Variants in PRR12 observed in about 807,000 individuals in gnomAD.
PRR12 encodes proline rich 12.
In PRR12, 12 loss-of-function variants were observed where a neutral mutation model predicts 138.0. The ratio of observed to expected loss-of-function variants is 0.09; its 90% CI spans 0.06 to 0.14. The LOEUF (loss-of-function observed/expected upper bound fraction) is 0.14, where lower values mean the gene tolerates loss of function less well. Among genes scored for constraint, PRR12 ranks in the 10% least tolerant of loss-of-function variants. The probability of loss-of-function intolerance (pLI) is 1.00; values close to 1 mark genes in which losing one functional copy is unlikely to be tolerated. For synonymous variants in PRR12, 1,567 were observed against 1,291.7 expected, an observed-to-expected ratio of 1.21 and a Z score of -4.57; for missense variants, 2,692 against 2,861.3, an observed-to-expected ratio of 0.94 and a Z score of 1.35.
rs778715981 is a variant in PRR12, at chr19:49,599,229, C to T, written c.3679-43C>T. On this transcript the variant is annotated intron_variant, in intron 4 of 13. Coordinates refer to ENST00000418929, the MANE Select transcript of PRR12 (RefSeq NM_020719.3). The surrounding 1 kb of genome is among the most constrained non-coding windows in gnomAD (Gnocchi z 5.0). Reference sequence around the variant, plus strand: ...GGCTGAGGGAGGATGGGACTGGGGGCCCAGGCTACTGGGCCCTCACGGCCC... The same window carrying T: ...GGCTGAGGGAGGATGGGACTGGGGGTCCAGGCTACTGGGCCCTCACGGCCC... 6.7e-7 allele frequency: 1 copy of T among 1,501,326 alleles called. No homozygotes were observed. The highest frequency in any genetic ancestry group is 1.3e-5 in the South Asian group (1 of 74,700). The allele number at this position is 1,501,326 out of a possible 1,614,324, so 93.0% of individuals were successfully genotyped here.
intron 11 of PRR12, among the ~76,000 whole-genome samples, chr19:49,622,928 T>TATATATATATAG (rs1320368074): frequency 1.3e-5 from 1 of 77,768 alleles, no homozygotes; most frequent in East Asian, 2.7e-4. Flanking sequence ...TATATATATA[T>TATATATATATAG]AGAGAGAGAG....
At chr19:49,623,262 G>A (rs970752773) in intron 11 of PRR12, among the ~76,000 whole-genome samples, 1 of 152,038 alleles carries the variant, frequency 6.6e-6, no homozygotes, top group Non-Finnish European at 1.5e-5. Flanking sequence ...GTTACACTAG[G>A]GTAGATAATC....
At position 49,597,276 on chromosome 19, in the gene PRR12, C is replaced by T. The variant is rs756002135; in HGVS notation, c.2941C>T (p.Pro981Ser). The T allele has an allele frequency of 3.8e-6, 6 of 1,562,576 alleles. No individual in the cohort carries two copies. The highest frequency in any genetic ancestry group is 1.7e-4 in the Middle Eastern group (1 of 6,016). ...GGACCCCAAGGCTGGCGCTGGGCCACCCCCCGGCCCCCCTGCTTATGATCC... is the reference window on the plus strand; with the variant it reads ...GGACCCCAAGGCTGGCGCTGGGCCATCCCCCGGCCCCCCTGCTTATGATCC... ...EGDPKAGAGP[P>S]PGPPAYDPYG... Residue 981 changes from proline (P) to serine (S), a missense_variant, in exon 4 of 14, where the codon CCC becomes TCC. Physicochemically the swap from Pro to Ser is moderately conservative, Grantham distance 74. This residue lies in a region of PRR12 where 840 missense variants were observed against 689.8 expected (regional missense o/e 1.22). Coordinates refer to ENST00000418929, the MANE Select transcript of PRR12 (RefSeq NM_020719.3). The surrounding 1 kb of genome is among the most constrained non-coding windows in gnomAD (Gnocchi z 6.3).
At chr19:49,598,058 G>A in intron 4 of PRR12, 45 bp downstream of exon 4, 1 of 1,272,954 alleles carries the variant, frequency 7.9e-7, no homozygotes. Context: ...AGGAGGAGCT[G>A]TGTCCGATGT....
rs373674418 is a variant in PRR12, at chr19:49,625,630, G to C, written c.*23G>C. 2.2e-5 allele frequency: 34 copies of C among 1,580,614 alleles called. No individual in the cohort carries two copies. The African/African-American group carries it at 4.3e-4, about 20-fold the overall frequency. On this transcript the variant is annotated 3_prime_UTR_variant, in exon 14 of 14. Coordinates refer to ENST00000418929, the MANE Select transcript of PRR12 (RefSeq NM_020719.3). This position sits in a 1 kb window ranked among gnomAD's most constrained non-coding sequence, Gnocchi z 5.5. ...TGACCCCGCCCCAGCTTGTGAGGGG[G>C]GCGCCTCCTCCATGAACCGAGAATT... is the stretch of plus-strand genomic sequence containing the variant.
At position 49,594,470 on chromosome 19, in the gene PRR12, C is replaced by T. The variant is rs752753835; in HGVS notation, c.216C>T (p.Phe72=). ...CCCGGCCAGGCCTCTCTGGACTCTT[C>T]GACACTGGCCTCCACCACGCGGGCT... ...NHHPAGLSGL[F]DTGLHHAGSA... is the part of the protein sequence containing the mutation. Residue 72 remains phenylalanine (F), a synonymous_variant, in exon 3 of 14, where the codon TTC becomes TTT. Transcript: ENST00000418929. This position sits in a 1 kb window ranked among gnomAD's most constrained non-coding sequence, Gnocchi z 5.6. 35 of 1,608,390 alleles carry T rather than the reference C, an allele frequency of 2.2e-5. No individual in the cohort carries two copies. In the East Asian group the frequency reaches 2.5e-4, roughly 11 times the overall value.
chr19:49,624,430 G>C, intron 11 of PRR12, among the ~76,000 whole-genome samples: 1 of 150,726 alleles, frequency 6.6e-6, no homozygotes, highest in Admixed American at 6.6e-5. Context: ...TTCTGGGGTA[G>C]GTGGTTAGGA....
chr19:49,598,031 C>A lies in PRR12; in HGVS notation c.3678+18C>A. On this transcript the variant is annotated intron_variant, in intron 4 of 13. Coordinates refer to ENST00000418929, the MANE Select transcript of PRR12 (RefSeq NM_020719.3). ...CACTTAAGGTGAGGGGAAATGGGGT[C>A]TTGTAGGGGATAGGGGAGGAGGAGC... 6 of 1,331,932 alleles carry A rather than the reference C, an allele frequency of 4.5e-6. No individual in the cohort carries two copies. The highest frequency in any genetic ancestry group is 5.8e-6 in the Non-Finnish European group (6 of 1,042,180). The allele number at this position is 1,331,932 out of a possible 1,614,324, so 82.5% of individuals were successfully genotyped here.
Position 49,597,179 on chromosome 19 carries a change from C to T in PRR12, c.2844C>T (p.Pro948=), listed in dbSNP as rs772756185. 77 of 1,554,126 alleles carry T rather than the reference C, an allele frequency of 5.0e-5. No homozygotes were observed. The highest frequency in any genetic ancestry group is 4.5e-4 in the Admixed American group (23 of 51,334). ...LLQDEERSFF[P]TMEEMFGGGA... is the part of the protein sequence containing the mutation. ...AAGACGAGGAGCGCAGCTTCTTCCCCACCATGGAGGAGATGTTCGGTGGAG... is the reference window on the plus strand; with the variant it reads ...AAGACGAGGAGCGCAGCTTCTTCCCTACCATGGAGGAGATGTTCGGTGGAG... The change falls in exon 4 of 14, where the codon CCC becomes CCT. Residue 948 remains proline, a synonymous_variant. Transcript: ENST00000418929. This position sits in a 1 kb window ranked among gnomAD's most constrained non-coding sequence, Gnocchi z 6.3.
rs1568425538 is a variant in PRR12, at chr19:49,601,684, A to G, written c.4539A>G (p.Pro1513=). Residue 1513 remains proline (P), a synonymous_variant, in exon 6 of 14, where the codon CCA becomes CCG. Coordinates refer to ENST00000418929, the MANE Select transcript of PRR12 (RefSeq NM_020719.3). ...CTCCACCAGCCATGCCCTCGCCTCC[A>G]CCACCACCCCCACCAGCCGCTGCCC... ...PPPPPAMPSP[P]PPPPPAAAPL... is the part of the protein sequence containing the mutation. 2 of 1,536,010 alleles carry G rather than the reference A, an allele frequency of 1.3e-6. No homozygotes were observed. The highest frequency in any genetic ancestry group is 1.7e-6 in the Non-Finnish European group (2 of 1,145,150).
chr19:49,616,218 C>T lies in PRR12; in HGVS notation c.5496C>T (p.Asp1832=), dbSNP rs1230504091. The T allele has an allele frequency of 2.2e-5, 33 of 1,520,218 alleles. 1 individual carries two copies. The highest frequency in any genetic ancestry group is 1.0e-4 in the Admixed American group (5 of 47,670). 94.2% of individuals were successfully genotyped at this position (1,520,218 alleles called of 1,614,324 possible). ...SESSPGAPSE[D]ERAVPGRLLK... ...CCTCCCCTGGAGCCCCCAGCGAGGACGGTGAGGCCCTAGGCAGCCTCAGGG... is the reference window on the plus strand; with the variant it reads ...CCTCCCCTGGAGCCCCCAGCGAGGATGGTGAGGCCCTAGGCAGCCTCAGGG... Residue 1832 remains aspartate, a splice_region_variant and synonymous_variant, in exon 9 of 14, where the codon GAC becomes GAT. Coordinates refer to ENST00000418929, the MANE Select transcript of PRR12 (RefSeq NM_020719.3). This position sits in a 1 kb window ranked among gnomAD's most constrained non-coding sequence, Gnocchi z 4.2.
chr19:49,615,288 A>G (rs2080885960), intron 8 of PRR12, among the ~76,000 whole-genome samples: 1 of 150,944 alleles, frequency 6.6e-6, no homozygotes, highest in Non-Finnish European at 1.5e-5. Context: ...AGGGAGACGG[A>G]GACTCAGAAG....
Position 49,616,067 on chromosome 19 carries a change from C to T in PRR12, c.5345C>T (p.Pro1782Leu), listed in dbSNP as rs1343502936. The change falls in exon 9 of 14, where the codon CCC (proline) becomes CTC (leucine). Residue 1782 changes from proline (P) to leucine (L), a missense_variant. Coordinates refer to ENST00000418929, the MANE Select transcript of PRR12 (RefSeq NM_020719.3). The surrounding 1 kb of genome is among the most constrained non-coding windows in gnomAD (Gnocchi z 4.2). ...GGACAACCTGCCACATCCCGGCTGC[C>T]CAAAGCCCGGCCTACCAAGGTGAAG... is the stretch of plus-strand genomic sequence containing the variant. Reference protein sequence around the residue: ...ATGQPATSRLPKARPTKVKAE... With the variant: ...ATGQPATSRLLKARPTKVKAE... 3 of 1,565,372 alleles carry T rather than the reference C, an allele frequency of 1.9e-6. No individual in the cohort carries two copies. The South Asian group carries it at 3.5e-5, about 18-fold the overall frequency.
intron 11 of PRR12, 107 bp downstream of exon 11, chr19:49,621,729 C>T: frequency 1.1e-6 from 1 of 911,746 alleles, no homozygotes; most frequent in Non-Finnish European, 1.7e-6. Flanking sequence ...AGGAGATCGT[C>T]CTTCTGGGCT....
Position 49,591,633 on chromosome 19 carries a change from C to A in PRR12, c.-22C>A. 1 of 1,290,896 alleles carries A rather than the reference C, an allele frequency of 7.7e-7. No individual in the cohort carries two copies. The highest frequency in any genetic ancestry group is 1.0e-6 in the Non-Finnish European group (1 of 975,744). The allele number at this position is 1,290,896 out of a possible 1,614,324, so 80.0% of individuals were successfully genotyped here. A position where few individuals can be genotyped will look rare whatever the true frequency, so the allele number is the denominator to read the frequency against. ...CTCCCTCCCTCCCTCCCCCTCCCCCCAATTTCCACCGCGGCCAATTCATGG... is the reference window on the plus strand; with the variant it reads ...CTCCCTCCCTCCCTCCCCCTCCCCCAAATTTCCACCGCGGCCAATTCATGG... On this transcript the variant is annotated 5_prime_UTR_variant, in exon 1 of 14. Coordinates refer to ENST00000418929, the MANE Select transcript of PRR12 (RefSeq NM_020719.3).
chr19:49,601,413 AG>A lies in PRR12; in HGVS notation c.4346-77del. 7 of 790,036 alleles carry A rather than the reference AG, an allele frequency of 8.9e-6. No individual in the cohort carries two copies. The South Asian group carries it at 1.2e-4, about 14-fold the overall frequency. 48.9% of individuals were successfully genotyped at this position (790,036 alleles called of 1,614,324 possible). ...TTACAGAGGGGCTTTTGGTATAGAAAGCAGTGTTTAAAGGACAAGAGGAAAG... is the reference window on the plus strand; with the variant it reads ...TTACAGAGGGGCTTTTGGTATAGAAACAGTGTTTAAAGGACAAGAGGAAAG... On this transcript the variant is annotated intron_variant, in intron 5 of 13. Coordinates refer to ENST00000418929, the MANE Select transcript of PRR12 (RefSeq NM_020719.3).
chr19:49,625,608 C>A lies in PRR12; in HGVS notation c.*1C>A, dbSNP rs769606686. ...ACAGGCCCACAGCCGCTGCGGGTGACCCCGCCCCAGCTTGTGAGGGGGGCG... is the reference window on the plus strand; with the variant it reads ...ACAGGCCCACAGCCGCTGCGGGTGAACCCGCCCCAGCTTGTGAGGGGGGCG... On this transcript the variant is annotated 3_prime_UTR_variant, in exon 14 of 14. Coordinates refer to ENST00000418929, the MANE Select transcript of PRR12 (RefSeq NM_020719.3). This position sits in a 1 kb window ranked among gnomAD's most constrained non-coding sequence, Gnocchi z 5.5. 5.0e-6 allele frequency: 8 copies of A among 1,598,454 alleles called. No individual in the cohort carries two copies. Among genetic ancestry groups the A allele is most frequent in the Non-Finnish European group, 2.6e-6 (3 of 1,171,852 alleles).
Position 49,596,015 on chromosome 19 carries a change from C to T in PRR12, c.1680C>T (p.Ser560=). The change falls in exon 4 of 14, where the codon AGC becomes AGT. Residue 560 remains serine, a synonymous_variant. Transcript: ENST00000418929. The surrounding 1 kb of genome is among the most constrained non-coding windows in gnomAD (Gnocchi z 5.6). The part of the protein sequence containing the change: ...PSSLGGGGEA[S]PSHIIRPLQS... ...CCCTGGGAGGCGGCGGTGAGGCCAG[C>T]CCATCTCACATCATTCGTCCGCTCC... 1 of 1,601,300 alleles carries T rather than the reference C, an allele frequency of 6.2e-7. No homozygotes were observed. The highest frequency in any genetic ancestry group is 8.5e-7 in the Non-Finnish European group (1 of 1,179,712).
Position 49,596,661 on chromosome 19 carries a change from C to T in PRR12, c.2326C>T (p.Pro776Ser). The part of the protein sequence containing the change: ...PPPPTAQSTQ[P>S]TPHGLLLEAG... ...ACCTCCCACGGCCCAGTCTACCCAG[C>T]CCACTCCCCATGGCCTCCTTCTGGA... is the stretch of plus-strand genomic sequence containing the variant. The change falls in exon 4 of 14, where the codon CCC becomes TCC. Residue 776 changes from proline (P) to serine (S), a missense_variant. This residue lies in a region of PRR12 where 840 missense variants were observed against 689.8 expected (regional missense o/e 1.22). Coordinates refer to ENST00000418929, the MANE Select transcript of PRR12 (RefSeq NM_020719.3). This position sits in a 1 kb window ranked among gnomAD's most constrained non-coding sequence, Gnocchi z 5.6. 2.5e-6 allele frequency: 4 copies of T among 1,604,868 alleles called. No individual in the cohort carries two copies. The East Asian group carries it at 6.7e-5, about 27-fold the overall frequency.
Sources: allele counts gnomAD v4.1 joint callset (sites outside exome capture counted in the v4.1 genomes callset), GRCh38; gene constraint gnomAD v4.1.1; regional missense constraint gnomAD v4.1.1; non-coding constraint Gnocchi (gnomAD v3.1); transcripts MANE v1.5; gene names NCBI Gene and HGNC (gene_info 2026-07-23, HGNC 2026-07-21).